ADK: variants seen among roughly 807,000 people sequenced by gnomAD.
ADK encodes the protein adenosine kinase, also known as N6,N6-dimethyladenosine kinase.
ADK carries 24 observed loss-of-function variants against 44.7 expected under a neutral mutation model. The ratio of observed to expected loss-of-function variants is 0.54; its 90% CI spans 0.39 to 0.76. The LOEUF is 0.76. Ranked by LOEUF, ADK falls within the 30% of genes least tolerant of loss-of-function variation. ADK has a pLI of 0.00. For missense variants in ADK, 321 were observed against 425.1 expected, an observed-to-expected ratio of 0.76 and a Z score of 2.15; for synonymous variants, 128 against 142.6, an observed-to-expected ratio of 0.90 and a Z score of 0.73.
At chr10:74,678,393 A>G (rs1394313101) in intron 10 of ADK, among the ~76,000 whole-genome samples, 4 of 152,198 alleles carry the variant, frequency 2.6e-5, no homozygotes, top group Non-Finnish European at 5.9e-5. Context: ...TCCAGCCATG[A>G]TTTAAAAAAA....
At chr10:74,434,247 C>T (rs766712661) in intron 6 of ADK, among the ~76,000 whole-genome samples, 1 of 152,028 alleles carries the variant, frequency 6.6e-6, no homozygotes, top group Non-Finnish European at 1.5e-5. Context: ...AGGAGGTCAT[C>T]GCTGTCTAAA....
At chr10:74,518,223 T>A (rs1008382812) in intron 6 of ADK, among the ~76,000 whole-genome samples, 2 of 152,234 alleles carry the variant, frequency 1.3e-5, no homozygotes, top group African/African-American at 4.8e-5. Context: ...AAGCTAATTA[T>A]GTTCTTCAGA....
At chr10:74,519,062 A>G (rs1376146262) in intron 6 of ADK, among the ~76,000 whole-genome samples, 1 of 151,976 alleles carries the variant, frequency 6.6e-6, no homozygotes, top group African/African-American at 2.4e-5. Context: ...AAACAGCTTA[A>G]TAATGGATTT....
intron 2 of ADK, among the ~76,000 whole-genome samples, chr10:74,202,086 T>C (rs1843418641): frequency 6.6e-6 from 1 of 152,180 alleles, no homozygotes; most frequent in Admixed American, 6.5e-5. Context: ...AAGTAGTCAT[T>C]CGCTATTCCC....
intron 9 of ADK, among the ~76,000 whole-genome samples, chr10:74,630,268 A>G (rs1853362553): frequency 6.6e-6 from 1 of 152,056 alleles, no homozygotes; most frequent in Non-Finnish European, 1.5e-5. Context: ...AAACTACTAT[A>G]GATGTGATAC....
chr10:74,632,086 C>A (rs920968580), intron 9 of ADK, among the ~76,000 whole-genome samples: 7 of 152,048 alleles, frequency 4.6e-5, no homozygotes, highest in African/African-American at 1.7e-4. Flanking sequence ...TTTTCATCAT[C>A]CCAGAAACTG....
At chr10:74,157,058 G>C (rs1841765610) in intron 1 of ADK, among the ~76,000 whole-genome samples, 1 of 152,196 alleles carries the variant, frequency 6.6e-6, no homozygotes, top group Non-Finnish European at 1.5e-5. Context: ...GAAAACATCT[G>C]CTCTTGGCTG....
At position 74,276,496 on chromosome 10, in the gene ADK, A is replaced by G. The variant is rs535973733; in HGVS notation, c.195-38171A>G. On this transcript the variant is annotated intron_variant, in intron 3 of 10. Coordinates refer to ENST00000539909, the MANE Select transcript of ADK (RefSeq NM_006721.4). ...ATTGACACAAATTTAGCAGCTTTAA[A>G]ACAATACCCTTTTATTATCTTATAG... 5.3e-5 allele frequency among the ~76,000 whole-genome samples: 8 copies of G among 152,350 alleles called. 2 individuals carry two copies. Among genetic ancestry groups the G allele is most frequent in the African/African-American group, 1.9e-4 (8 of 41,582 alleles).
At chr10:74,546,672 A>G (rs560461237) in intron 7 of ADK, among the ~76,000 whole-genome samples, 1 of 152,206 alleles carries the variant, frequency 6.6e-6, no homozygotes, top group Non-Finnish European at 1.5e-5. Context: ...AACTTATTTG[A>G]TATTCATTTT....
chr10:74,637,106 T>G (rs1228355955), intron 9 of ADK, among the ~76,000 whole-genome samples: 1 of 152,206 alleles, frequency 6.6e-6, no homozygotes, highest in Admixed American at 6.5e-5. Flanking sequence ...ATAAACCCAA[T>G]AGTAAGAATT....
At chr10:74,233,967 G>T (rs1183041111) in intron 3 of ADK, among the ~76,000 whole-genome samples, 3 of 152,192 alleles carry the variant, frequency 2.0e-5, no homozygotes, top group Non-Finnish European at 2.9e-5. Flanking sequence ...ATATTTATGG[G>T]ATGAAATTTA....
chr10:74,547,235 T>G (rs553498411), intron 7 of ADK, among the ~76,000 whole-genome samples: 24 of 152,058 alleles, frequency 1.6e-4, no homozygotes, highest in African/African-American at 5.8e-4. Flanking sequence ...CCAAGAATGT[T>G]CTTTCTAGTG....
chr10:74,579,233 TA>T (rs10719538), intron 7 of ADK, among the ~76,000 whole-genome samples: 34,550 of 141,302 alleles, frequency 0.24, 4,801 homozygotes, highest in East Asian at 0.63. Flanking sequence ...GACCCTGTCT[TA>T]AAAAAAAAAA....
chr10:74,289,006 A>G (rs1847300366), intron 3 of ADK, among the ~76,000 whole-genome samples: 1 of 152,216 alleles, frequency 6.6e-6, no homozygotes, highest in Non-Finnish European at 1.5e-5. Flanking sequence ...TAGATAGGAA[A>G]TAAAAATAAC....
At chr10:74,423,668 C>T in intron 6 of ADK, 2 of 429,498 alleles carry the variant, frequency 4.7e-6, no homozygotes, top group South Asian at 1.9e-5. Context: ...GCCAGGTCTG[C>T]CTTGTTACCC....
chr10:74,529,383 T>C (rs1181776873), intron 7 of ADK: 1 of 152,104 alleles, frequency 6.6e-6, no homozygotes, highest in Non-Finnish European at 1.5e-5. Context: ...GGCATTATTG[T>C]GTAATAAGTA....
intron 7 of ADK, among the ~76,000 whole-genome samples, chr10:74,581,188 ATATAT>A (rs577394379): frequency 3.4e-4 from 52 of 152,350 alleles, no homozygotes; most frequent in South Asian, 8.3e-4. Flanking sequence ...GCATTTCTAA[ATATAT>A]TATGTATTTC....
intron 4 of ADK, among the ~76,000 whole-genome samples, chr10:74,347,975 G>A (rs897781669): frequency 1.3e-5 from 2 of 152,204 alleles, no homozygotes; most frequent in African/African-American, 4.8e-5. Flanking sequence ...GGGAAGGGGC[G>A]GCTGTGGGCG....
At chr10:74,406,865 G>A (rs1352634548) in intron 6 of ADK, among the ~76,000 whole-genome samples, 2 of 151,880 alleles carry the variant, frequency 1.3e-5, no homozygotes, top group African/African-American at 4.8e-5. Context: ...ATTTTTAGTA[G>A]AGGTGGGTTT....
Sources: allele counts gnomAD v4.1 joint callset (sites outside exome capture counted in the v4.1 genomes callset), GRCh38; gene constraint gnomAD v4.1.1; transcripts MANE v1.5; gene names NCBI Gene and HGNC (gene_info 2026-07-23, HGNC 2026-07-21).